Variants in HECTD2 observed in about 807,000 individuals in gnomAD.
HECTD2 encodes probable E3 ubiquitin-protein ligase HECTD2.
HECTD2 carries 35 observed loss-of-function variants against 103.2 expected under a neutral mutation model. That is an observed-to-expected ratio of 0.34 (90% CI 0.26 to 0.45). The LOEUF (loss-of-function observed/expected upper bound fraction) is 0.45, where lower values mean the gene tolerates loss of function less well. Ranked by LOEUF, HECTD2 falls within the 20% of genes least tolerant of loss-of-function variation. The pLI is 1.00. For missense variants in HECTD2, 596 were observed against 937.4 expected (o/e 0.64, Z 4.76); for synonymous variants, 281 against 329.9 (o/e 0.85, Z 1.61).
intron 2 of HECTD2, among the ~76,000 whole-genome samples, chr10:91,444,171 G>C (rs564620207): frequency 1.3e-5 from 2 of 151,928 alleles, no homozygotes; most frequent in Non-Finnish European, 2.9e-5. Context: ...TTCCCAACCT[G>C]GCTATAAACA....
intron 2 of HECTD2, among the ~76,000 whole-genome samples, chr10:91,438,763 C>A (rs1306083250): frequency 6.6e-6 from 1 of 152,060 alleles, no homozygotes; most frequent in Non-Finnish European, 1.5e-5. Flanking sequence ...TTTTACTGAT[C>A]GCCATTCTAA....
chr10:91,464,515 C>A, intron 5 of HECTD2: 1 of 154,462 alleles, frequency 6.5e-6, no homozygotes, highest in Non-Finnish European at 1.4e-5. Context: ...TGGCCTCAAG[C>A]AGTCCTCCTG....
At chr10:91,503,843 G>C (rs1341089815) in intron 20 of HECTD2, among the ~76,000 whole-genome samples, 2 of 152,238 alleles carry the variant, frequency 1.3e-5, no homozygotes, top group African/African-American at 2.4e-5. Flanking sequence ...CAAACAAAAA[G>C]ACAGCAGTAA....
intron 2 of HECTD2, among the ~76,000 whole-genome samples, chr10:91,428,912 A>G (rs1012761549): frequency 1.3e-5 from 2 of 151,798 alleles, no homozygotes; most frequent in Admixed American, 1.3e-4. Context: ...TTCCAACACT[A>G]TGTTGAATCG....
chr10:91,485,122 T>C, intron 9 of HECTD2, 58 bp from the exon 10 acceptor site: 3 of 1,194,514 alleles, frequency 2.5e-6, no homozygotes, highest in Non-Finnish European at 3.5e-6. Flanking sequence ...GTTTTTATTA[T>C]TAGAATGAAT....
intron 2 of HECTD2, among the ~76,000 whole-genome samples, chr10:91,458,607 T>C (rs1442504574): frequency 1.3e-5 from 2 of 151,980 alleles, no homozygotes; most frequent in Non-Finnish European, 2.9e-5. Flanking sequence ...AGTTGTAATT[T>C]GACAAAGGTC....
chr10:91,452,577 A>T (rs540257100), intron 2 of HECTD2, among the ~76,000 whole-genome samples: 2 of 152,062 alleles, frequency 1.3e-5, no homozygotes, highest in African/African-American at 2.4e-5. Flanking sequence ...ATGGGTTATC[A>T]TGGGAATAGG....
In HECTD2 at chr10:91,514,656, T is replaced by C. The variant is rs948675463; in HGVS notation, c.*2272T>C. Reference sequence around the variant, plus strand: ...AATCTTTGCTTAGTCAGTCATATTTTTGTCTGTATGATTAGAAGTTTTTAC... The same window carrying C: ...AATCTTTGCTTAGTCAGTCATATTTCTGTCTGTATGATTAGAAGTTTTTAC... On this transcript the variant is annotated 3_prime_UTR_variant, in exon 21 of 21. Transcript: ENST00000298068. 1 of 152,620 alleles carries C rather than the reference T, an allele frequency of 6.6e-6. No individual in the cohort carries two copies. The highest frequency in any genetic ancestry group is 1.5e-5 in the Non-Finnish European group (1 of 68,016). The allele number at this position is 152,620 out of a possible 1,614,324, so 9.5% of individuals were successfully genotyped here.
chr10:91,487,567 A>T lies in HECTD2; in HGVS notation c.1095-115A>T, dbSNP rs1846310175. 1 of 751,728 alleles carries T rather than the reference A, an allele frequency of 1.3e-6. No homozygotes were observed. Among genetic ancestry groups the T allele is most frequent in the African/African-American group, 1.7e-5 (1 of 58,070 alleles). 46.6% of individuals were successfully genotyped at this position (751,728 alleles called of 1,614,324 possible). Reference sequence around the variant, plus strand: ...CATACAATCATTTTGTATATGGTAAAACACAATCCAAAAGTAATGTTTTAT... The same window carrying T: ...CATACAATCATTTTGTATATGGTAATACACAATCCAAAAGTAATGTTTTAT... On this transcript the variant is annotated intron_variant, in intron 10 of 20. Coordinates refer to ENST00000298068, the MANE Select transcript of HECTD2 (RefSeq NM_182765.6). The surrounding 1 kb of genome is among the most constrained non-coding windows in gnomAD (Gnocchi z 4.1).
intron 20 of HECTD2, among the ~76,000 whole-genome samples, chr10:91,509,248 C>T (rs1847326522): frequency 6.6e-6 from 1 of 150,876 alleles, no homozygotes; most frequent in African/African-American, 2.4e-5. Context: ...ACAATGTGCA[C>T]ATGTACCCTA....
At chr10:91,497,330 G>A (rs1846715061) in intron 15 of HECTD2, among the ~76,000 whole-genome samples, 1 of 126,562 alleles carries the variant, frequency 7.9e-6, no homozygotes, top group Admixed American at 8.4e-5. Context: ...TTGCTCTGTT[G>A]TCCAGGCTAG....
intron 20 of HECTD2, among the ~76,000 whole-genome samples, chr10:91,501,975 T>C (rs1282415279): frequency 6.6e-6 from 1 of 152,104 alleles, no homozygotes; most frequent in Admixed American, 6.5e-5. Flanking sequence ...ACATTGAACA[T>C]TCCCTAAGTG....
intron 13 of HECTD2, 77 bp downstream of exon 13, chr10:91,492,561 C>A: frequency 9.1e-7 from 1 of 1,102,542 alleles, no homozygotes. Flanking sequence ...TTATTTTTAA[C>A]CTATTCTGTG....
intron 2 of HECTD2, among the ~76,000 whole-genome samples, chr10:91,437,944 A>G (rs549303847): frequency 2.5e-4 from 38 of 152,040 alleles, no homozygotes; most frequent in Non-Finnish European, 4.9e-4. Context: ...ATTGTGACAA[A>G]ACACTTTTTT....
chr10:91,481,396 G>A (rs1846081668), intron 7 of HECTD2, among the ~76,000 whole-genome samples: 1 of 151,770 alleles, frequency 6.6e-6, no homozygotes, highest in South Asian at 2.1e-4. Flanking sequence ...TTACATGTGA[G>A]ATTAAAATTT....
At chr10:91,470,108 A>G (rs1226369498) in intron 5 of HECTD2, among the ~76,000 whole-genome samples, 1 of 152,350 alleles carries the variant, frequency 6.6e-6, no homozygotes. Flanking sequence ...TTAGATAACC[A>G]CACAATAATA....
At chr10:91,492,597 A>C (rs1846521179) in intron 13 of HECTD2, 113 bp downstream of exon 13, 1 of 824,272 alleles carries the variant, frequency 1.2e-6, no homozygotes, top group Admixed American at 2.7e-5. Context: ...TGTCCATCGT[A>C]AATGTTGAAT....
intron 1 of HECTD2, among the ~76,000 whole-genome samples, chr10:91,416,865 C>T (rs530803062): frequency 9.9e-5 from 15 of 152,172 alleles, no homozygotes; most frequent in African/African-American, 3.4e-4. Flanking sequence ...ACCACCCCAC[C>T]ACTCCCCAGA....
intron 1 of HECTD2, among the ~76,000 whole-genome samples, chr10:91,417,285 T>C (rs954720628): frequency 1.3e-5 from 2 of 152,206 alleles, no homozygotes; most frequent in Admixed American, 1.3e-4. Flanking sequence ...GACATTCTAG[T>C]GAGCCATCAA....
Sources: gnomAD v4.1 joint callset for allele counts (sites outside exome capture counted in the v4.1 genomes callset) on GRCh38, gnomAD v4.1.1 for gene constraint, Gnocchi (gnomAD v3.1) non-coding constraint, MANE v1.5 for transcripts, NCBI Gene and HGNC (gene_info 2026-07-23, HGNC 2026-07-21) for gene names.